Variants in OXR1 observed in about 807,000 individuals in gnomAD.
The protein encoded by OXR1 is oxidation resistance 1.
In OXR1, 41 loss-of-function variants were observed where a neutral mutation model predicts 104.6. The ratio of observed to expected loss-of-function variants is 0.39; its 90% CI spans 0.31 to 0.51. The LOEUF (loss-of-function observed/expected upper bound fraction) is 0.51, where lower values mean the gene tolerates loss of function less well. Ranked by LOEUF, OXR1 falls within the 20% of genes least tolerant of loss-of-function variation. The probability of loss-of-function intolerance (pLI) is 0.77; values close to 1 mark genes in which losing one functional copy is unlikely to be tolerated. For missense variants in OXR1, 955 were observed against 1,031.9 expected (o/e 0.93, Z 1.02); for synonymous variants, 348 against 348.4 (o/e 1.00, Z 0.01).
intron 3 of OXR1, among the ~76,000 whole-genome samples, chr8:106,605,872 A>T (rs1820339134): frequency 6.6e-6 from 1 of 151,694 alleles, no homozygotes; most frequent in African/African-American, 2.4e-5. Flanking sequence ...CCCACTTCCT[A>T]CTTAGGTTGA....
intron 2 of OXR1, among the ~76,000 whole-genome samples, chr8:106,371,244 G>T (rs1816694384): frequency 6.6e-6 from 1 of 151,962 alleles, no homozygotes; most frequent in African/African-American, 2.4e-5. Flanking sequence ...GGTCAGTAGT[G>T]ATATCCCTTT....
chr8:106,471,267 A>T (rs1416328284), intron 2 of OXR1, among the ~76,000 whole-genome samples: 1 of 151,842 alleles, frequency 6.6e-6, no homozygotes, highest in African/African-American at 2.4e-5. Flanking sequence ...GTACATAAGT[A>T]GACGATTAAT....
chr8:106,523,769 G>T (rs1813432511), intron 3 of OXR1, among the ~76,000 whole-genome samples: 1 of 149,630 alleles, frequency 6.7e-6, no homozygotes, highest in Admixed American at 6.8e-5. Context: ...GAAGAAAATG[G>T]AGTGGAAATT....
intron 3 of OXR1, among the ~76,000 whole-genome samples, chr8:106,631,526 C>T (rs1026157317): frequency 6.6e-6 from 1 of 152,078 alleles, no homozygotes; most frequent in East Asian, 1.9e-4. Context: ...CATAAAAGCC[C>T]TATTAAAATG....
intron 2 of OXR1, among the ~76,000 whole-genome samples, chr8:106,452,984 T>A (rs1020050588): frequency 3.3e-5 from 5 of 152,150 alleles, no homozygotes; most frequent in African/African-American, 1.2e-4. Flanking sequence ...AGCCATATAT[T>A]GAAAATTGCC....
chr8:106,653,080 A>T (rs1353578508), intron 3 of OXR1, among the ~76,000 whole-genome samples: 1 of 119,072 alleles, frequency 8.4e-6, no homozygotes, highest in South Asian at 2.8e-4. Context: ...AGAAAAAAAA[A>T]AAAATATATA....
intron 2 of OXR1, chr8:106,447,832 G>A: frequency 7.4e-7 from 1 of 1,347,346 alleles, no homozygotes; most frequent in Non-Finnish European, 9.7e-7. Flanking sequence ...CTTGCTGTGT[G>A]GGATTTGGGT....
chr8:106,512,507 T>C (rs1264274322), intron 2 of OXR1, among the ~76,000 whole-genome samples: 1 of 152,170 alleles, frequency 6.6e-6, no homozygotes, highest in East Asian at 1.9e-4. Flanking sequence ...TCCAACTAGT[T>C]ATAATCCAGG....
At chr8:106,654,274 A>G (rs1283861112) in intron 3 of OXR1, among the ~76,000 whole-genome samples, 1 of 152,124 alleles carries the variant, frequency 6.6e-6, no homozygotes, top group Non-Finnish European at 1.5e-5. Flanking sequence ...CAAAATGGGA[A>G]GACTCACACT....
intron 2 of OXR1, among the ~76,000 whole-genome samples, chr8:106,401,300 G>A (rs1357205745): frequency 6.6e-6 from 1 of 152,158 alleles, no homozygotes; most frequent in Non-Finnish European, 1.5e-5. Flanking sequence ...CTTTCAGGTG[G>A]TACTGGCATA....
At chr8:106,565,261 T>G (rs1456285575) in intron 3 of OXR1, among the ~76,000 whole-genome samples, 1 of 152,186 alleles carries the variant, frequency 6.6e-6, no homozygotes, top group Non-Finnish European at 1.5e-5. Flanking sequence ...CTTAAGCTAA[T>G]AAGCAACTTC....
intron 3 of OXR1, among the ~76,000 whole-genome samples, chr8:106,552,974 T>TGGAGGTGG (rs1815971007): frequency 1.3e-5 from 2 of 152,166 alleles, no homozygotes; most frequent in African/African-American, 4.8e-5. Context: ...TTATTCTCCT[T>TGGAGGTGG]CTCTTTTATT....
intron 2 of OXR1, among the ~76,000 whole-genome samples, chr8:106,501,443 G>A (rs913068784): frequency 3.9e-5 from 6 of 152,190 alleles, no homozygotes; most frequent in Admixed American, 3.9e-4. Flanking sequence ...TCCTCTCAGT[G>A]GGATGAGAAG....
chr8:106,394,317 A>G (rs1817693776), intron 2 of OXR1, among the ~76,000 whole-genome samples: 1 of 151,822 alleles, frequency 6.6e-6, no homozygotes, highest in South Asian at 2.1e-4. Flanking sequence ...AAAAAAAAAA[A>G]AGATAAAACA....
In OXR1 at chr8:106,442,139, A is replaced by G. The variant is rs142789864; in HGVS notation, c.24-76804A>G. Among the ~76,000 whole-genome samples, 623 of 152,198 alleles carry G rather than the reference A, an allele frequency of 4.1e-3. 3 individuals are homozygous for G. The highest frequency in any genetic ancestry group is 0.014 in the African/African-American group (591 of 41,534). ...TTACCATGAAGTGGTGTTGAATTTT[A>G]TCGAAGCCTTTTTCTGCATCTATTG... On this transcript the variant is annotated intron_variant, in intron 2 of 16. Coordinates refer to ENST00000517566, the MANE Select transcript of OXR1 (RefSeq NM_001198533.2).
intron 3 of OXR1, among the ~76,000 whole-genome samples, chr8:106,672,912 C>G (rs184776975): frequency 1.1e-4 from 16 of 152,176 alleles, no homozygotes; most frequent in Non-Finnish European, 2.1e-4. Flanking sequence ...GGCCTCTCCA[C>G]CCATGCAGAA....
At chr8:106,377,101 C>T (rs909784585) in intron 2 of OXR1, among the ~76,000 whole-genome samples, 3 of 152,062 alleles carry the variant, frequency 2.0e-5, no homozygotes, top group Non-Finnish European at 4.4e-5. Context: ...GGGGGGAGAA[C>T]TACAGTCAAA....
intron 2 of OXR1, among the ~76,000 whole-genome samples, chr8:106,455,256 A>G (rs1362888981): frequency 3.9e-5 from 6 of 152,202 alleles, no homozygotes; most frequent in African/African-American, 1.4e-4. Context: ...CTTACAAAAT[A>G]AACAAATAAA....
At chr8:106,425,531 A>G (rs1021416814) in intron 2 of OXR1, among the ~76,000 whole-genome samples, 1 of 152,232 alleles carries the variant, frequency 6.6e-6, no homozygotes, top group African/African-American at 2.4e-5. Flanking sequence ...ACCAGGGATC[A>G]GTAAGTCCGC....
Sources: gnomAD v4.1 joint callset for allele counts (sites outside exome capture counted in the v4.1 genomes callset) on GRCh38, gnomAD v4.1.1 for gene constraint, MANE v1.5 for transcripts, NCBI Gene and HGNC (gene_info 2026-07-23, HGNC 2026-07-21) for gene names.